Variants in DLGAP2 observed in about 807,000 individuals in gnomAD.
The protein encoded by DLGAP2 is disks large-associated protein 2.
DLGAP2 carries 26 observed loss-of-function variants against 100.3 expected under a neutral mutation model. The ratio of observed to expected loss-of-function variants is 0.26; its 90% confidence interval spans 0.19 to 0.36. The LOEUF (loss-of-function observed/expected upper bound fraction) is 0.36. Among genes scored for constraint, DLGAP2 ranks in the 10% least tolerant of loss-of-function variants. The probability of loss-of-function intolerance (pLI) is 1.00; values close to 1 mark genes in which losing one functional copy is unlikely to be tolerated. For missense variants in DLGAP2, 1,858 were observed against 1,453.2 expected, an observed-to-expected ratio of 1.28 and a Z score of -4.53; for synonymous variants, 886 against 630.1, an observed-to-expected ratio of 1.41 and a Z score of -6.08.
At chr8:1,449,008 C>T (rs963253759) in intron 3 of DLGAP2, among the ~76,000 whole-genome samples, 2 of 152,214 alleles carry the variant, frequency 1.3e-5, no homozygotes, top group African/African-American at 4.8e-5. Flanking sequence ...GTTCTGAGAG[C>T]TGTAGGCTGT....
rs139113463 is a variant in DLGAP2, at chr8:925,558, C to G, written c.73+17592C>G. Among the ~76,000 whole-genome samples, 75 of 152,196 alleles carry G rather than the reference C, an allele frequency of 4.9e-4. No homozygotes were observed. In the East Asian group the frequency reaches 0.011, roughly 22 times the overall value. On this transcript the variant is annotated intron_variant, in intron 2 of 14. Coordinates refer to ENST00000637795, the MANE Select transcript of DLGAP2 (RefSeq NM_001346810.2). Reference sequence around the variant, plus strand: ...GAGTGTATTAGCACAGCTTGGATGTCCACATTGTGGACGGAGTAACCCTGT... The same window carrying G: ...GAGTGTATTAGCACAGCTTGGATGTGCACATTGTGGACGGAGTAACCCTGT...
intron 3 of DLGAP2, among the ~76,000 whole-genome samples, chr8:1,317,084 C>G (rs1319445857): frequency 7.4e-6 from 1 of 134,400 alleles, no homozygotes; most frequent in Non-Finnish European, 1.6e-5. Context: ...ACTCGAGACA[C>G]TCGGCAGCGT....
At chr8:1,317,123 G>C (rs370547353) in intron 3 of DLGAP2, among the ~76,000 whole-genome samples, 6 of 134,874 alleles carry the variant, frequency 4.4e-5, no homozygotes, top group African/African-American at 1.8e-4. Flanking sequence ...CGAGTGCAGC[G>C]TCTCTCCAAC....
chr8:1,565,451 T>G, intron 5 of DLGAP2: 1 of 430,524 alleles, frequency 2.3e-6, no homozygotes, highest in Non-Finnish European at 4.1e-6. Flanking sequence ...TTTTCTCACA[T>G]GTTCTCACTT....
intron 2 of DLGAP2, among the ~76,000 whole-genome samples, chr8:1,210,185 C>G (rs1418102370): frequency 6.6e-6 from 1 of 152,114 alleles, no homozygotes; most frequent in Non-Finnish European, 1.5e-5. Context: ...GTGGAGTGGG[C>G]TCTGCTGGGC....
chr8:1,307,855 G>T (rs978858410), intron 3 of DLGAP2, among the ~76,000 whole-genome samples: 2 of 152,292 alleles, frequency 1.3e-5, no homozygotes, highest in South Asian at 4.1e-4. Context: ...GGCTGCCGGG[G>T]ACTGGGCGCT....
At chr8:1,326,202 C>G (rs545279825) in intron 3 of DLGAP2, among the ~76,000 whole-genome samples, 1 of 152,272 alleles carries the variant, frequency 6.6e-6, no homozygotes, top group African/African-American at 2.4e-5. Context: ...TACCATTTGT[C>G]TTTATACTGT....
chr8:1,219,540 G>T (rs1029169352), intron 2 of DLGAP2, among the ~76,000 whole-genome samples: 1 of 152,070 alleles, frequency 6.6e-6, no homozygotes, highest in African/African-American at 2.4e-5. Flanking sequence ...GAGGATTTTT[G>T]TGTCTATGTT....
chr8:1,227,050 T>G (rs1388435336), intron 2 of DLGAP2, among the ~76,000 whole-genome samples: 1 of 148,724 alleles, frequency 6.7e-6, no homozygotes, highest in African/African-American at 2.6e-5. Context: ...GAAATATATC[T>G]GCACTCCCTG....
intron 1 of DLGAP2, among the ~76,000 whole-genome samples, chr8:878,866 C>G (rs1247278435): frequency 6.6e-6 from 1 of 152,204 alleles, no homozygotes; most frequent in Non-Finnish European, 1.5e-5. Flanking sequence ...TGCTCTTGGA[C>G]TTCGCAGACA....
intron 3 of DLGAP2, among the ~76,000 whole-genome samples, chr8:1,500,829 C>T (rs545908595): frequency 6.6e-6 from 1 of 152,344 alleles, no homozygotes; most frequent in Admixed American, 6.5e-5. Context: ...GAAATTAAAT[C>T]AGCGTTTTGG....
At chr8:1,507,677 T>C (rs550139613) in intron 4 of DLGAP2, among the ~76,000 whole-genome samples, 1 of 151,832 alleles carries the variant, frequency 6.6e-6, no homozygotes, top group Non-Finnish European at 1.5e-5. Context: ...GAAGCAGTGA[T>C]GTGCTGAGCT....
At chr8:1,657,366 T>G (rs1798308105) in intron 8 of DLGAP2, among the ~76,000 whole-genome samples, 1 of 152,220 alleles carries the variant, frequency 6.6e-6, no homozygotes, top group Admixed American at 6.5e-5. Flanking sequence ...CTCATAAGGA[T>G]TAGTTGTGAT....
Position 1,701,471 on chromosome 8 carries a change from C to A in DLGAP2, c.*65C>A. The A allele has an allele frequency of 2.0e-6, 3 of 1,481,894 alleles. No homozygotes were observed. Among genetic ancestry groups the A allele is most frequent in the Non-Finnish European group, 1.8e-6 (2 of 1,104,538 alleles). The allele number at this position is 1,481,894 out of a possible 1,614,324, so 91.8% of individuals were successfully genotyped here. A position where few individuals can be genotyped will look rare whatever the true frequency, so the allele number is the denominator to read the frequency against. ...CCCGGACGCTTGTGCAGCGCGGCGC[C>A]GCCCTGGTGGTTTCTGTCTCCTCCT... is the stretch of plus-strand genomic sequence containing the variant. On this transcript the variant is annotated 3_prime_UTR_variant, in exon 15 of 15. Transcript: ENST00000637795.
chr8:1,191,388 T>C (rs893320150), intron 2 of DLGAP2, among the ~76,000 whole-genome samples: 12 of 152,144 alleles, frequency 7.9e-5, no homozygotes, highest in South Asian at 2.1e-4. Flanking sequence ...GCCAGGATGG[T>C]CTTGATCTCC....
chr8:970,740 A>T (rs1180661915), intron 2 of DLGAP2, among the ~76,000 whole-genome samples: 2 of 152,150 alleles, frequency 1.3e-5, no homozygotes, highest in Non-Finnish European at 2.9e-5. Context: ...AAAATGCCTT[A>T]ATCAACTAAA....
intron 7 of DLGAP2, among the ~76,000 whole-genome samples, chr8:1,628,859 T>G (rs963955789): frequency 5.3e-5 from 8 of 152,274 alleles, no homozygotes; most frequent in Non-Finnish European, 1.0e-4. Context: ...TCTGGGCTTC[T>G]GGGCCAAGGC....
rs148590674 is a variant in DLGAP2, at chr8:1,312,802, T to G, written c.106+53919T>G. 5.3e-3 allele frequency among the ~76,000 whole-genome samples: 811 copies of G among 152,338 alleles called. 10 individuals carry two copies. The highest frequency in any genetic ancestry group is 0.018 in the African/African-American group (759 of 41,586). On this transcript the variant is annotated intron_variant, in intron 3 of 14. Coordinates refer to ENST00000637795, the MANE Select transcript of DLGAP2 (RefSeq NM_001346810.2). The stretch of plus-strand genomic sequence containing the variant: ...TCACCAATGTGGAAGGAGAGCTGCT[T>G]CTTGCAGCAGGGTTTGTAGGAATGA...
Position 1,194,340 on chromosome 8 carries a change from G to C in DLGAP2, c.74-64511G>C, listed in dbSNP as rs148113451. On this transcript the variant is annotated intron_variant, in intron 2 of 14. Coordinates refer to ENST00000637795, the MANE Select transcript of DLGAP2 (RefSeq NM_001346810.2). ...CGTCCCGGCTGGTGGAGGGAGCCCGGATGCCTGGCAGACAGTCAGTGGTCG... is the reference window on the plus strand; with the variant it reads ...CGTCCCGGCTGGTGGAGGGAGCCCGCATGCCTGGCAGACAGTCAGTGGTCG... 9.7e-4 allele frequency among the ~76,000 whole-genome samples: 147 copies of C among 152,220 alleles called. 1 individual carries two copies. Among genetic ancestry groups the C allele is most frequent in the African/African-American group, 3.4e-3 (140 of 41,554 alleles).
Sources: gnomAD v4.1 joint callset for allele counts (sites outside exome capture counted in the v4.1 genomes callset) on GRCh38, gnomAD v4.1.1 for gene constraint, MANE v1.5 for transcripts, NCBI Gene and HGNC (gene_info 2026-07-23, HGNC 2026-07-21) for gene names.